GRIP2: variants seen among roughly 807,000 people sequenced by gnomAD.
The protein encoded by GRIP2 is glutamate receptor interacting protein 2.
GRIP2 carries 58 observed loss-of-function variants against 108.3 expected under a neutral mutation model. The observed-to-expected ratio is 0.54, with a 90% CI of 0.43 to 0.67. GRIP2 has a LOEUF of 0.67. Among genes scored for constraint, GRIP2 ranks in the 30% least tolerant of loss-of-function variants. The pLI is 0.00. For missense variants in GRIP2, 1,278 were observed against 1,430.6 expected (o/e 0.89, Z 1.72); for synonymous variants, 586 against 598.2 (o/e 0.98, Z 0.30).
At chr3:14,569,690 C>T in the GRIP2 span, among the ~76,000 whole-genome samples, 2 of 152,172 alleles carry the variant, frequency 1.3e-5, no homozygotes, top group African/African-American at 2.4e-5. Flanking sequence ...TCCACCACCC[C>T]CCTCTTGCTG....
At chr3:14,572,569 G>A in the GRIP2 span, among the ~76,000 whole-genome samples, 13 of 116,842 alleles carry the variant, frequency 1.1e-4, no homozygotes, top group Middle Eastern at 0.014. Flanking sequence ...CCGAGATCCC[G>A]CCACTGCACT....
chr3:14,501,788 C>T (rs1244348557), intron 21 of GRIP2, among the ~76,000 whole-genome samples: 1 of 152,082 alleles, frequency 6.6e-6, no homozygotes, highest in East Asian at 1.9e-4. Context: ...TTGCACCATA[C>T]ACACATATCA....
chr3:14,495,493 G>T (rs1693572159), intron 22 of GRIP2, among the ~76,000 whole-genome samples: 1 of 151,938 alleles, frequency 6.6e-6, no homozygotes, highest in African/African-American at 2.4e-5. Context: ...TGCAACCTCC[G>T]CCTACTGGGT....
intron 19 of GRIP2, among the ~76,000 whole-genome samples, chr3:14,506,521 A>T (rs1693931955): frequency 6.6e-6 from 1 of 152,170 alleles, no homozygotes; most frequent in Admixed American, 6.5e-5. Flanking sequence ...AGAAAGACCA[A>T]CTTTGTCCGT....
rs1273999866 is a variant in GRIP2, at chr3:14,491,122, C to A, written c.*2543G>T. On this transcript the variant is annotated 3_prime_UTR_variant, in exon 24 of 24. Coordinates refer to ENST00000621039, the MANE Select transcript of GRIP2 (RefSeq NM_001080423.4). The stretch of plus-strand genomic sequence containing the variant: ...GTCACCAGACCCATACAGAAGCTGA[C>A]TCTTGCCAATCCATGATTTTTTTAA... 1.3e-5 allele frequency: 2 copies of A among 152,152 alleles called. No homozygotes were observed. Among genetic ancestry groups the A allele is most frequent in the Admixed American group, 6.5e-5 (1 of 15,276 alleles). 9.4% of individuals were successfully genotyped at this position (152,152 alleles called of 1,614,324 possible). A position where few individuals can be genotyped will look rare whatever the true frequency, so the allele number is the denominator to read the frequency against.
intron 1 of GRIP2, among the ~76,000 whole-genome samples, chr3:14,551,603 C>G (rs1695150467): frequency 6.6e-6 from 1 of 152,146 alleles, no homozygotes; most frequent in Non-Finnish European, 1.5e-5. Flanking sequence ...TTCTGCAGGG[C>G]TGTCCCGGGA....
chr3:14,510,484 C>T (rs190632716), intron 16 of GRIP2, among the ~76,000 whole-genome samples: 1 of 151,924 alleles, frequency 6.6e-6, no homozygotes, highest in Non-Finnish European at 1.5e-5. Context: ...AGGCTGGTCT[C>T]GAACTCCTGG....
intron 1 of GRIP2, among the ~76,000 whole-genome samples, chr3:14,526,581 T>C (rs768210597): frequency 6.6e-6 from 1 of 152,206 alleles, no homozygotes; most frequent in Non-Finnish European, 1.5e-5. Flanking sequence ...CGCTCCCTTG[T>C]GTTTCTTCAA....
the GRIP2 span, among the ~76,000 whole-genome samples, chr3:14,587,598 C>T: frequency 6.7e-6 from 1 of 149,580 alleles, no homozygotes; most frequent in African/African-American, 2.5e-5. Context: ...GAGATCATGC[C>T]ACTGCACTCC....
chr3:14,494,693 G>GCT, intron 23 of GRIP2, 150 bp downstream of exon 23: 1 of 872,778 alleles, frequency 1.1e-6, no homozygotes, highest in Non-Finnish European at 1.7e-6. Flanking sequence ...TGAGGCTGAG[G>GCT]GTGCTGGGGC....
intron 9 of GRIP2, 33 bp from the exon 10 acceptor site, chr3:14,517,930 G>GCAGCC: frequency 1.3e-6 from 2 of 1,507,164 alleles, no homozygotes; most frequent in Non-Finnish European, 1.8e-6. Context: ...AAAGAGAGGT[G>GCAGCC]CAGGCGTTAG....
chr3:14,493,677 G>A lies in GRIP2; in HGVS notation c.3120C>T (p.Pro1040=). The change falls in exon 24 of 24, where the codon CCC becomes CCT. Residue 1040 remains proline, a synonymous_variant. Coordinates refer to ENST00000621039, the MANE Select transcript of GRIP2 (RefSeq NM_001080423.4). ...CCACATGCTGACTTCAGAGCATCCG[G>A]GGACTGCTGGGGCCTGGCGATCGGG... is the stretch of plus-strand genomic sequence containing the variant. ...RAPRSPGPSS[P]RML is the part of the protein sequence containing the mutation. 6.2e-7 allele frequency: 1 copy of A among 1,603,200 alleles called. No homozygotes were observed. Among genetic ancestry groups the A allele is most frequent in the Middle Eastern group, 1.8e-4 (1 of 5,552 alleles).
intron 1 of GRIP2, chr3:14,531,021 GCACA>G (rs904270803): frequency 6.6e-6 from 1 of 151,706 alleles, no homozygotes; most frequent in Non-Finnish European, 1.5e-5. Context: ...TGTCATTCTT[GCACA>G]GAGGCCATGC....
the GRIP2 span, among the ~76,000 whole-genome samples, chr3:14,568,142 G>A: frequency 6.6e-6 from 1 of 152,212 alleles, no homozygotes; most frequent in Non-Finnish European, 1.5e-5. Context: ...CTTCCTCAGA[G>A]GGAGGTGGGA....
At chr3:14,523,520 T>C (rs189985688) in intron 5 of GRIP2, 92 bp downstream of exon 5, 17 of 844,022 alleles carry the variant, frequency 2.0e-5, no homozygotes, top group Middle Eastern at 4.4e-4. Flanking sequence ...GAGATACACA[T>C]AAATTACATT....
intron 9 of GRIP2, among the ~76,000 whole-genome samples, chr3:14,518,723 T>C (rs1694324078): frequency 6.6e-6 from 1 of 152,052 alleles, no homozygotes; most frequent in Non-Finnish European, 1.5e-5. Flanking sequence ...ACAGCCCCCC[T>C]CCCCAGGGCT....
chr3:14,543,872 C>T (rs765223614), upstream of GRIP2, among the ~76,000 whole-genome samples: 6 of 152,222 alleles, frequency 3.9e-5, no homozygotes, highest in Admixed American at 6.5e-5. Context: ...CCTGTGTGAT[C>T]GGGGCACTTG....
At chr3:14,573,262 G>A in the GRIP2 span, 1 of 1,401,372 alleles carries the variant, frequency 7.1e-7, no homozygotes, top group Non-Finnish European at 1.0e-6. Context: ...GAGCCAGCTG[G>A]AACCACCTCT....
chr3:14,500,805 G>C (rs1274657379), intron 21 of GRIP2, among the ~76,000 whole-genome samples: 2 of 152,170 alleles, frequency 1.3e-5, no homozygotes, highest in African/African-American at 4.8e-5. Context: ...GGTGATAACA[G>C]AAATTGGTCA....
Sources: allele counts gnomAD v4.1 joint callset (sites outside exome capture counted in the v4.1 genomes callset), GRCh38; gene constraint gnomAD v4.1.1; transcripts MANE v1.5; gene names NCBI Gene and HGNC (gene_info 2026-07-23, HGNC 2026-07-21).